IMPG2: variants seen among roughly 807,000 people sequenced by gnomAD.
The protein encoded by IMPG2 is interphotoreceptor matrix proteoglycan 2.
A neutral mutation model predicts 129.2 loss-of-function variants in IMPG2; 91 were observed. The ratio of observed to expected loss-of-function variants is 0.70; its 90% confidence interval spans 0.59 to 0.84. The LOEUF is 0.84. Ranked by LOEUF, IMPG2 falls within the 40% of genes least tolerant of loss-of-function variation. IMPG2 has a pLI of 0.00. For missense variants in IMPG2, 1,430 were observed against 1,461.7 expected (o/e 0.98, Z 0.35); for synonymous variants, 510 against 517.7 (o/e 0.99, Z 0.20).
rs1706446918 is a variant in IMPG2 at position 101,244,250 on chromosome 3, G to A, written c.2081C>T (p.Ala694Val). The A allele has an allele frequency of 1.2e-6, 2 of 1,613,866 alleles. No homozygotes were observed. Among genetic ancestry groups the A allele is most frequent in the African/African-American group, 1.3e-5 (1 of 74,920 alleles). Residue 694 changes from alanine (A) to valine (V), a missense_variant, in exon 13 of 19, where the codon GCA becomes GTA. Transcript: ENST00000193391. ...GPAVPIFADT[A>V]AESASLTLPK... ...GAGGGTTAGAGACGCAGATTCAGCTGCAGTATCTGCGAAGATGGGCACAGC... is the reference window on the plus strand; with the variant it reads ...GAGGGTTAGAGACGCAGATTCAGCTACAGTATCTGCGAAGATGGGCACAGC...
chr3:101,261,638 A>T (rs977164177), intron 9 of IMPG2, among the ~76,000 whole-genome samples: 56 of 152,240 alleles, frequency 3.7e-4, no homozygotes, highest in African/African-American at 1.3e-3. Flanking sequence ...ATTTGTTACC[A>T]TGTTTTTGTT....
intron 10 of IMPG2, among the ~76,000 whole-genome samples, chr3:101,257,223 C>T (rs1706620302): frequency 6.6e-6 from 1 of 151,998 alleles, no homozygotes; most frequent in South Asian, 2.1e-4. Flanking sequence ...AGTATTATAG[C>T]CTGTTTCAAT....
At chr3:101,317,410 C>T (rs571212215) in intron 2 of IMPG2, among the ~76,000 whole-genome samples, 1 of 152,032 alleles carries the variant, frequency 6.6e-6, no homozygotes, top group East Asian at 1.9e-4. Flanking sequence ...CAATTGATAC[C>T]AAATTCTCTA....
At chr3:101,290,774 T>C (rs1228774309) in intron 4 of IMPG2, among the ~76,000 whole-genome samples, 1 of 152,156 alleles carries the variant, frequency 6.6e-6, no homozygotes, top group Non-Finnish European at 1.5e-5. Context: ...GTACACTGAC[T>C]CACCTACTTG....
chr3:101,232,054 T>G (rs1195403963), intron 15 of IMPG2, among the ~76,000 whole-genome samples: 1 of 152,146 alleles, frequency 6.6e-6, no homozygotes, highest in Non-Finnish European at 1.5e-5. Context: ...GCCCAAAACC[T>G]TTAAAAATAT....
At chr3:101,268,985 A>T (rs989958242) in intron 8 of IMPG2, among the ~76,000 whole-genome samples, 21 of 152,224 alleles carry the variant, frequency 1.4e-4, no homozygotes, top group African/African-American at 4.1e-4. Context: ...TACCCAACAC[A>T]AAGTATTCAC....
Position 101,225,655 on chromosome 3 carries a change from T to C in IMPG2, c.*1314A>G, listed in dbSNP as rs944980166. The C allele has an allele frequency of 2.6e-5, 4 of 152,172 alleles. No individual in the cohort carries two copies. Among genetic ancestry groups the C allele is most frequent in the African/African-American group, 9.7e-5 (4 of 41,438 alleles). 9.4% of individuals were successfully genotyped at this position (152,172 alleles called of 1,614,324 possible). A position where few individuals can be genotyped will look rare whatever the true frequency, so the allele number is the denominator to read the frequency against. On this transcript the variant is annotated 3_prime_UTR_variant, in exon 19 of 19. Coordinates refer to ENST00000193391, the MANE Select transcript of IMPG2 (RefSeq NM_016247.4). ...CTGGTTATTTATATCTGGTCAGAAA[T>C]AAATCAAAATGTTCAGAATTGGTTT...
intron 11 of IMPG2, among the ~76,000 whole-genome samples, chr3:101,250,382 C>T (rs1399110183): frequency 6.6e-6 from 1 of 152,114 alleles, no homozygotes; most frequent in African/African-American, 2.4e-5. Flanking sequence ...CTTTATGAGG[C>T]CATCCTTTGG....
chr3:101,268,327 C>T (rs1411642595), intron 8 of IMPG2, among the ~76,000 whole-genome samples: 2 of 152,150 alleles, frequency 1.3e-5, no homozygotes, highest in Admixed American at 6.5e-5. Flanking sequence ...TAAGGGAGGT[C>T]TTCAAAGGCC....
intron 2 of IMPG2, among the ~76,000 whole-genome samples, chr3:101,306,879 A>G (rs1029001426): frequency 6.6e-6 from 1 of 152,208 alleles, no homozygotes; most frequent in Admixed American, 6.5e-5. Context: ...AGAAAAAAAC[A>G]ATAAATTAGA....
intron 4 of IMPG2, among the ~76,000 whole-genome samples, chr3:101,285,022 G>A (rs1253313318): frequency 2.6e-5 from 4 of 152,074 alleles, no homozygotes; most frequent in East Asian, 1.9e-4. Flanking sequence ...GTCACTTAAC[G>A]ACTGGAATTG....
At chr3:101,247,840 C>A (rs1706498799) in intron 11 of IMPG2, among the ~76,000 whole-genome samples, 1 of 152,106 alleles carries the variant, frequency 6.6e-6, no homozygotes, top group Non-Finnish European at 1.5e-5. Context: ...TCAACTGGAA[C>A]CTTTAAGAAA....
rs541014932 is a variant in IMPG2 at position 101,276,937 on chromosome 3, C to G, written c.534-224G>C. Among the ~76,000 whole-genome samples the G allele has an allele frequency of 3.9e-5, 6 of 152,242 alleles. No homozygotes were observed. In the East Asian group the frequency reaches 9.6e-4, roughly 24 times the overall value. ...TAGAATCACCCTACCTAGAATTCTT[C>G]CCTAGTTATCTTTGCATCACCCTGT... On this transcript the variant is annotated intron_variant, in intron 4 of 18. Coordinates refer to ENST00000193391, the MANE Select transcript of IMPG2 (RefSeq NM_016247.4).
At chr3:101,318,153 A>G (rs1048996686) in intron 2 of IMPG2, among the ~76,000 whole-genome samples, 45 of 10,372 alleles carry the variant, frequency 4.3e-3, no homozygotes, top group African/African-American at 0.012. Context: ...AGTAATAAAT[A>G]ATAATAATAA....
chr3:101,319,253 T>C (rs74752676), intron 2 of IMPG2, among the ~76,000 whole-genome samples: 3 of 152,170 alleles, frequency 2.0e-5, no homozygotes. Flanking sequence ...TTATTGTGAC[T>C]GCCCTCATGT....
At chr3:101,242,382 C>T (rs546616111) in intron 14 of IMPG2, among the ~76,000 whole-genome samples, 1 of 152,080 alleles carries the variant, frequency 6.6e-6, no homozygotes, top group Non-Finnish European at 1.5e-5. Flanking sequence ...CTTGCAGTGA[C>T]AACATGAAGG....
Position 101,223,259 on chromosome 3 carries a change from C to A in IMPG2, c.*3710G>T, listed in dbSNP as rs1677360449. ...AATAAGCTAGGATCTTGACTCACTGCAGCTGGATTGTAAATGAGGAAGGCT... is the reference window on the plus strand; with the variant it reads ...AATAAGCTAGGATCTTGACTCACTGAAGCTGGATTGTAAATGAGGAAGGCT... On this transcript the variant is annotated 3_prime_UTR_variant, in exon 19 of 19. Transcript: ENST00000193391. 1 of 152,158 alleles carries A rather than the reference C, an allele frequency of 6.6e-6. No individual in the cohort carries two copies. Among genetic ancestry groups the A allele is most frequent in the Non-Finnish European group, 1.5e-5 (1 of 68,042 alleles). 9.4% of individuals were successfully genotyped at this position (152,158 alleles called of 1,614,324 possible).
chr3:101,260,176 G>C (rs348878), intron 9 of IMPG2, among the ~76,000 whole-genome samples: 4 of 151,948 alleles, frequency 2.6e-5, no homozygotes, highest in African/African-American at 7.3e-5. Context: ...CAGGCCTCTT[G>C]GATGTTCCTG....
intron 3 of IMPG2, among the ~76,000 whole-genome samples, chr3:101,303,841 C>A (rs1707162272): frequency 6.6e-6 from 1 of 152,148 alleles, no homozygotes; most frequent in African/African-American, 2.4e-5. Flanking sequence ...TAACCTAAAC[C>A]TTTGCTGAAT....
Sources: gnomAD v4.1 joint callset for allele counts (sites outside exome capture counted in the v4.1 genomes callset) on GRCh38, gnomAD v4.1.1 for gene constraint, MANE v1.5 for transcripts, NCBI Gene and HGNC (gene_info 2026-07-23, HGNC 2026-07-21) for gene names.